Variants in DOCK8 observed in about 807,000 individuals in gnomAD.
The protein encoded by DOCK8 is dedicator of cytokinesis protein 8.
Under a neutral mutation model 245.6 loss-of-function variants are expected in DOCK8, and 141 were observed. The observed-to-expected ratio is 0.57, with a 90% CI of 0.50 to 0.66. The LOEUF (loss-of-function observed/expected upper bound fraction) is 0.66, where lower values mean the gene tolerates loss of function less well. Among genes scored for constraint, DOCK8 ranks in the 30% least tolerant of loss-of-function variants. The pLI is 0.00. For missense variants in DOCK8, 2,965 were observed against 2,603.4 expected (o/e 1.14, Z -3.02); for synonymous variants, 1,168 against 970.2 (o/e 1.20, Z -3.79).
intron 14 of DOCK8, among the ~76,000 whole-genome samples, chr9:357,012 G>C (rs1232025211): frequency 6.6e-6 from 1 of 152,128 alleles, no homozygotes; most frequent in Non-Finnish European, 1.5e-5. Flanking sequence ...TAAGACCTAA[G>C]ACCATAAACA....
intron 2 of DOCK8, among the ~76,000 whole-genome samples, chr9:275,978 C>T (rs2048331418): frequency 6.6e-6 from 1 of 152,050 alleles, no homozygotes; most frequent in African/African-American, 2.4e-5. Flanking sequence ...GCAACCTCTG[C>T]CTCCTGCGTT....
At chr9:386,223 G>A (rs1253209186) in intron 22 of DOCK8, 108 bp from the exon 23 acceptor site, 4 of 932,850 alleles carry the variant, frequency 4.3e-6, no homozygotes, top group Non-Finnish European at 6.8e-6. Flanking sequence ...TTTGTAACCA[G>A]GAAAAAAAAT....
intron 14 of DOCK8, among the ~76,000 whole-genome samples, chr9:354,368 G>A (rs1358215960): frequency 1.3e-5 from 2 of 152,148 alleles, no homozygotes; most frequent in Non-Finnish European, 2.9e-5. Context: ...AGGTCCAATT[G>A]AGGCAGAAAT....
At chr9:287,535 T>C (rs1194310535) in intron 3 of DOCK8, among the ~76,000 whole-genome samples, 2 of 152,172 alleles carry the variant, frequency 1.3e-5, no homozygotes, top group African/African-American at 4.8e-5. Flanking sequence ...ATATTCTAGT[T>C]CTATTTTGGA....
chr9:382,988 GA>G (rs527520811), intron 22 of DOCK8, among the ~76,000 whole-genome samples: 6 of 151,556 alleles, frequency 4.0e-5, no homozygotes, highest in African/African-American at 1.5e-4. Flanking sequence ...TATTTTCAAG[GA>G]AAAAAAATAG....
intron 14 of DOCK8, among the ~76,000 whole-genome samples, chr9:344,330 AT>A: frequency 6.6e-6 from 1 of 152,206 alleles, no homozygotes; most frequent in South Asian, 2.1e-4. Flanking sequence ...ATTTCACAGA[AT>A]TTAGGAAGCA....
intron 14 of DOCK8, among the ~76,000 whole-genome samples, chr9:349,988 T>C (rs927039241): frequency 2.0e-5 from 3 of 152,226 alleles, no homozygotes; most frequent in Non-Finnish European, 4.4e-5. Flanking sequence ...AGCTTGTTTG[T>C]TCTTCCCCTA....
intron 14 of DOCK8, chr9:365,442 T>C: frequency 2.6e-6 from 1 of 377,484 alleles, no homozygotes; most frequent in Non-Finnish European, 5.1e-6. Context: ...ACAGAGTTTG[T>C]ACTTGATAAG....
intron 2 of DOCK8, among the ~76,000 whole-genome samples, chr9:283,268 G>A (rs1277649875): frequency 1.3e-5 from 2 of 152,138 alleles, no homozygotes; most frequent in Admixed American, 6.5e-5. Flanking sequence ...TCCCTAGTCC[G>A]AAAATGCAAA....
chr9:231,804 A>G (rs2047124174), intron 1 of DOCK8, among the ~76,000 whole-genome samples: 1 of 152,160 alleles, frequency 6.6e-6, no homozygotes, highest in Admixed American at 6.5e-5. Flanking sequence ...TTGGGCTGAG[A>G]CAATGGGGTT....
At chr9:403,988 A>ATG (rs2055294685) in intron 26 of DOCK8, among the ~76,000 whole-genome samples, 1 of 85,208 alleles carries the variant, frequency 1.2e-5, no homozygotes, top group African/African-American at 6.1e-5. Flanking sequence ...GTATATATAT[A>ATG]TATGTGTATA....
intron 14 of DOCK8, among the ~76,000 whole-genome samples, chr9:343,929 A>G (rs1021862352): frequency 1.3e-5 from 2 of 152,240 alleles, no homozygotes; most frequent in African/African-American, 2.4e-5. Context: ...TCCTGCAAAC[A>G]TTATCCCTTA....
In DOCK8 at chr9:451,975, ATATTTTTTTTTTTT is replaced by A. The variant is rs748371145; in HGVS notation, c.5962-34_5962-21del. The A allele has an allele frequency of 0.042, 9,494 of 223,714 alleles. 127 individuals are homozygous for A. Among genetic ancestry groups the A allele is most frequent in the Middle Eastern group, 0.075 (54 of 720 alleles). 13.9% of individuals were successfully genotyped at this position (223,714 alleles called of 1,614,324 possible). A position where few individuals can be genotyped will look rare whatever the true frequency, so the allele number is the denominator to read the frequency against. ...TGTGTGTATATATATATATATATATATATTTTTTTTTTTTTTTTTTTTTTTTTCCCACCAGGGAC... is the reference window on the plus strand; with the variant it reads ...TGTGTGTATATATATATATATATATATTTTTTTTTTTTTCCCACCAGGGAC... On this transcript the variant is annotated intron_variant, in intron 45 of 47. Coordinates refer to ENST00000432829, the MANE Select transcript of DOCK8 (RefSeq NM_203447.4).
chr9:407,799 G>A (rs1246815788), intron 28 of DOCK8, among the ~76,000 whole-genome samples: 1 of 152,178 alleles, frequency 6.6e-6, no homozygotes, highest in African/African-American at 2.4e-5. Context: ...ACACAGTTAG[G>A]TGTTAGAGTA....
intron 25 of DOCK8, among the ~76,000 whole-genome samples, chr9:397,521 T>C (rs1332340889): frequency 6.6e-6 from 1 of 151,736 alleles, no homozygotes; most frequent in Non-Finnish European, 1.5e-5. Flanking sequence ...AAACCCCGTC[T>C]CTACTAAAAA....
intron 26 of DOCK8, 54 bp from the exon 27 acceptor site, chr9:404,864 A>C (rs74485500): frequency 2.5e-6 from 4 of 1,605,606 alleles, no homozygotes; most frequent in Non-Finnish European, 2.6e-6. Flanking sequence ...GCCAACCTCA[A>C]CTCCACTTAC....
chr9:325,870 C>A, intron 8 of DOCK8, 133 bp downstream of exon 8: 1 of 847,292 alleles, frequency 1.2e-6, no homozygotes, highest in Non-Finnish European at 1.9e-6. Context: ...GAGTCCAGTT[C>A]TGTTGCCTTT....
At chr9:391,254 G>A (rs558477162) in intron 24 of DOCK8, among the ~76,000 whole-genome samples, 2 of 152,252 alleles carry the variant, frequency 1.3e-5, no homozygotes, top group Admixed American at 6.5e-5. Context: ...ACCTAATACT[G>A]TAATATATCT....
In DOCK8 at chr9:398,226, G is replaced by A. The variant is rs537064974; in HGVS notation, c.3121-920G>A. Among the ~76,000 whole-genome samples, 446 of 152,306 alleles carry A rather than the reference G, an allele frequency of 2.9e-3. 2 individuals are homozygous for A. Among genetic ancestry groups the A allele is most frequent in the Non-Finnish European group, 4.9e-3 (334 of 68,040 alleles). The stretch of plus-strand genomic sequence containing the variant: ...GCCAAGACTGGAGATTTTAGACCCA[G>A]ATACTGAGTCACGTAAGGCACCCAG... On this transcript the variant is annotated intron_variant, in intron 25 of 47. Coordinates refer to ENST00000432829, the MANE Select transcript of DOCK8 (RefSeq NM_203447.4).
Sources: gnomAD v4.1 joint callset for allele counts (sites outside exome capture counted in the v4.1 genomes callset) on GRCh38, gnomAD v4.1.1 for gene constraint, MANE v1.5 for transcripts, NCBI Gene and HGNC (gene_info 2026-07-23, HGNC 2026-07-21) for gene names.